Variants in ARHGAP15 observed in about 807,000 individuals in gnomAD.
ARHGAP15 encodes Rho GTPase activating protein 15.
Under a neutral mutation model 63.7 loss-of-function variants are expected in ARHGAP15, and 51 were observed. That is an observed-to-expected ratio of 0.80 (90% CI 0.64 to 1.01). The LOEUF is 1.01. Among genes scored for constraint, ARHGAP15 ranks in the 50% least tolerant of loss-of-function variants. ARHGAP15 has a pLI of 0.00. For synonymous variants in ARHGAP15, 191 were observed against 193.8 expected, an observed-to-expected ratio of 0.99 and a Z score of 0.12; for missense variants, 560 against 564.6, an observed-to-expected ratio of 0.99 and a Z score of 0.08.
At chr2:143,166,798 T>C (rs1011675731) in intron 2 of ARHGAP15, among the ~76,000 whole-genome samples, 4 of 152,130 alleles carry the variant, frequency 2.6e-5, no homozygotes, top group African/African-American at 9.7e-5. Context: ...TACTTTAAAC[T>C]CCCTTGCGCA....
At chr2:143,451,140 A>C (rs1051187196) in intron 8 of ARHGAP15, among the ~76,000 whole-genome samples, 3 of 151,892 alleles carry the variant, frequency 2.0e-5, no homozygotes, top group Non-Finnish European at 4.4e-5. Flanking sequence ...ATGCATATTA[A>C]TTCAGCAGGG....
At chr2:143,281,142 T>C (rs1309819955) in intron 6 of ARHGAP15, among the ~76,000 whole-genome samples, 1 of 152,098 alleles carries the variant, frequency 6.6e-6, no homozygotes, top group Non-Finnish European at 1.5e-5. Flanking sequence ...AATTAGTAAG[T>C]GGTAAAAGAC....
At chr2:143,178,207 T>C (rs915272030) in intron 2 of ARHGAP15, among the ~76,000 whole-genome samples, 6 of 152,170 alleles carry the variant, frequency 3.9e-5, no homozygotes, top group South Asian at 2.1e-4. Context: ...TATCTATCAA[T>C]GGTCAAGGTC....
At chr2:143,533,170 A>G (rs1694593742) in intron 10 of ARHGAP15, 1 of 152,240 alleles carries the variant, frequency 6.6e-6, no homozygotes, top group Non-Finnish European at 1.5e-5. Context: ...AGCAGGGGGA[A>G]TGCTTTTCAC....
chr2:143,261,332 T>C (rs940244373), intron 6 of ARHGAP15, among the ~76,000 whole-genome samples: 1 of 129,620 alleles, frequency 7.7e-6, no homozygotes, highest in African/African-American at 3.0e-5. Flanking sequence ...GACCTTTTTT[T>C]TTTTTTTTTT....
At chr2:143,318,533 T>TC (rs1486082885) in intron 6 of ARHGAP15, among the ~76,000 whole-genome samples, 2 of 127,804 alleles carry the variant, frequency 1.6e-5, no homozygotes, top group Non-Finnish European at 3.3e-5. Context: ...TTTTTTTTTT[T>TC]TTCGAACAGT....
chr2:143,730,017 A>C (rs1685456045), intron 13 of ARHGAP15, among the ~76,000 whole-genome samples: 1 of 152,220 alleles, frequency 6.6e-6, no homozygotes, highest in South Asian at 2.1e-4. Flanking sequence ...TGGACTTTAG[A>C]AAAACAGAAG....
At chr2:143,632,468 G>C (rs886900420) in intron 12 of ARHGAP15, among the ~76,000 whole-genome samples, 4 of 152,036 alleles carry the variant, frequency 2.6e-5, no homozygotes, top group African/African-American at 7.2e-5. Flanking sequence ...AATCACACAT[G>C]CCTTTGAAGA....
At chr2:143,282,960 G>A (rs924683138) in intron 6 of ARHGAP15, among the ~76,000 whole-genome samples, 3 of 152,148 alleles carry the variant, frequency 2.0e-5, no homozygotes, top group Non-Finnish European at 4.4e-5. Flanking sequence ...GTTGGGAGTA[G>A]ATCATTTCGG....
chr2:143,411,192 G>A lies in ARHGAP15; in HGVS notation c.475-24409G>A, dbSNP rs186945085. Among the ~76,000 whole-genome samples the A allele has an allele frequency of 7.2e-5, 11 of 151,942 alleles. 1 individual carries two copies. The highest frequency in any genetic ancestry group is 1.4e-4 in the African/African-American group (6 of 41,486). ...TGCACTCCAGCCTGGGCGACAGAGC[G>A]AGACTATCTCAAAAAAACAAAAGAA... On this transcript the variant is annotated intron_variant, in intron 6 of 13. Coordinates refer to ENST00000295095, the MANE Select transcript of ARHGAP15 (RefSeq NM_018460.4).
At chr2:143,318,937 G>A (rs1050770906) in intron 6 of ARHGAP15, among the ~76,000 whole-genome samples, 9 of 152,036 alleles carry the variant, frequency 5.9e-5, no homozygotes, top group African/African-American at 2.2e-4. Context: ...ATCAGGTTCC[G>A]AAAACTCCCG....
chr2:143,462,254 C>T (rs1395535994), intron 8 of ARHGAP15, among the ~76,000 whole-genome samples: 1 of 152,146 alleles, frequency 6.6e-6, no homozygotes, highest in African/African-American at 2.4e-5. Context: ...AGGCCATCTC[C>T]ATTCTGCTGG....
chr2:143,179,905 G>T (rs1290164541), intron 2 of ARHGAP15, among the ~76,000 whole-genome samples: 1 of 109,288 alleles, frequency 9.2e-6, no homozygotes, highest in Admixed American at 9.2e-5. Context: ...AAAAAAAAAT[G>T]CATACCTTAA....
intron 2 of ARHGAP15, among the ~76,000 whole-genome samples, chr2:143,189,635 T>C (rs980541996): frequency 1.3e-5 from 2 of 152,010 alleles, no homozygotes; most frequent in Admixed American, 1.3e-4. Flanking sequence ...CTAATTTTTG[T>C]ATTTTTAGTT....
At chr2:143,166,490 C>A (rs2105035747) in intron 2 of ARHGAP15, among the ~76,000 whole-genome samples, 1 of 152,194 alleles carries the variant, frequency 6.6e-6, no homozygotes, top group African/African-American at 2.4e-5. Flanking sequence ...CAAAAAGTTT[C>A]TCTGTCCTCT....
intron 6 of ARHGAP15, among the ~76,000 whole-genome samples, chr2:143,352,062 T>C (rs988470500): frequency 1.3e-5 from 2 of 152,220 alleles, no homozygotes; most frequent in South Asian, 2.1e-4. Flanking sequence ...GAATAACCTT[T>C]ATTGTCCTCA....
intron 6 of ARHGAP15, among the ~76,000 whole-genome samples, chr2:143,380,025 T>C (rs1212097468): frequency 1.3e-5 from 2 of 151,960 alleles, no homozygotes; most frequent in Non-Finnish European, 2.9e-5. Context: ...AAGAAAATGA[T>C]GAAGGAAGGG....
At chr2:143,195,044 T>C (rs927355468) in intron 2 of ARHGAP15, among the ~76,000 whole-genome samples, 1 of 151,558 alleles carries the variant, frequency 6.6e-6, no homozygotes, top group African/African-American at 2.4e-5. Context: ...CAGATGTTTA[T>C]AAAAAAAAAT....
chr2:143,586,049 A>G (rs1697095851), intron 11 of ARHGAP15, among the ~76,000 whole-genome samples: 1 of 152,150 alleles, frequency 6.6e-6, no homozygotes, highest in African/African-American at 2.4e-5. Context: ...GGTATAAAAT[A>G]ATATATCTAT....
Sources: allele counts gnomAD v4.1 joint callset (sites outside exome capture counted in the v4.1 genomes callset), GRCh38; gene constraint gnomAD v4.1.1; transcripts MANE v1.5; gene names NCBI Gene and HGNC (gene_info 2026-07-23, HGNC 2026-07-21).